Variants in ATXN1 observed in about 807,000 individuals in gnomAD.
ATXN1 encodes ataxin-1.
A neutral mutation model predicts 56.4 loss-of-function variants in ATXN1; 8 were observed. That is an observed-to-expected ratio of 0.14 (90% CI 0.08 to 0.26). The LOEUF is 0.26. ATXN1 is among the 10% of genes least tolerant of loss of function. The pLI, the probability that ATXN1 is intolerant of heterozygous loss-of-function variation, is 1.00. For synonymous variants in ATXN1, 514 were observed against 494.6 expected (o/e 1.04, Z -0.52); for missense variants, 987 against 1,106.5 (o/e 0.89, Z 1.53).
rs1006639118 is a variant in ATXN1 at position 16,300,961 on chromosome 6, C to T, written c.*5368G>A. 1.3e-5 allele frequency: 2 copies of T among 152,548 alleles called. No individual in the cohort carries two copies. The highest frequency in any genetic ancestry group is 4.8e-5 in the African/African-American group (2 of 41,424). The allele number at this position is 152,548 out of a possible 1,614,324, so 9.4% of individuals were successfully genotyped here. On this transcript the variant is annotated 3_prime_UTR_variant, in exon 8 of 8. Transcript: ENST00000436367. ...TATATGTAACAAAAATAACAATAAG[C>T]ATAGGTATAGTTTAAGAGCCTTTTA...
intron 3 of ATXN1, among the ~76,000 whole-genome samples, chr6:16,597,011 C>T (rs1762827170): frequency 6.6e-6 from 1 of 152,198 alleles, no homozygotes; most frequent in African/African-American, 2.4e-5. Flanking sequence ...CACTCACCTG[C>T]AGGGCGCAGG....
At chr6:16,671,739 G>A (rs932106265) in intron 2 of ATXN1, among the ~76,000 whole-genome samples, 3 of 152,040 alleles carry the variant, frequency 2.0e-5, no homozygotes, top group African/African-American at 4.8e-5. Context: ...GTCTTAATTC[G>A]AACAATCAAG....
intron 2 of ATXN1, among the ~76,000 whole-genome samples, chr6:16,664,262 G>A (rs1444992693): frequency 6.6e-6 from 1 of 152,122 alleles, no homozygotes; most frequent in Non-Finnish European, 1.5e-5. Context: ...TAAGCAAAAT[G>A]GCATAATACA....
chr6:16,501,930 G>C (rs1287867106), intron 5 of ATXN1, among the ~76,000 whole-genome samples: 1 of 152,100 alleles, frequency 6.6e-6, no homozygotes, highest in Non-Finnish European at 1.5e-5. Context: ...CTAATTTACA[G>C]TCCCCCAACA....
chr6:16,549,940 T>C (rs1367649889), intron 4 of ATXN1, among the ~76,000 whole-genome samples: 3 of 133,894 alleles, frequency 2.2e-5, no homozygotes, highest in Non-Finnish European at 4.7e-5. Flanking sequence ...CCATTCTCAC[T>C]CATAAGTGGG....
At chr6:16,734,910 TG>T (rs968063846) in intron 2 of ATXN1, among the ~76,000 whole-genome samples, 1 of 152,220 alleles carries the variant, frequency 6.6e-6, no homozygotes, top group African/African-American at 2.4e-5. Context: ...TTTTAAAATA[TG>T]GGTGTAGAGT....
At chr6:16,579,655 T>G (rs1455410577) in intron 4 of ATXN1, among the ~76,000 whole-genome samples, 1 of 152,088 alleles carries the variant, frequency 6.6e-6, no homozygotes, top group Non-Finnish European at 1.5e-5. Context: ...TTTGTTTGGC[T>G]ATGTTTATTT....
chr6:16,590,565 CT>C (rs1429888953), intron 3 of ATXN1, among the ~76,000 whole-genome samples: 1 of 152,124 alleles, frequency 6.6e-6, no homozygotes, highest in African/African-American at 2.4e-5. Flanking sequence ...ACATTTATCA[CT>C]GATAAAAGAT....
At chr6:16,340,076 T>G (rs1343935027) in intron 6 of ATXN1, among the ~76,000 whole-genome samples, 4 of 152,188 alleles carry the variant, frequency 2.6e-5, no homozygotes, top group African/African-American at 2.4e-5. Context: ...CCACCGCGCC[T>G]GACCATGAAG....
chr6:16,727,379 G>A (rs949387558), intron 2 of ATXN1, among the ~76,000 whole-genome samples: 9 of 152,152 alleles, frequency 5.9e-5, no homozygotes, highest in Non-Finnish European at 1.3e-4. Context: ...CACCGTCTCT[G>A]TCAATTATTG....
Position 16,326,707 on chromosome 6 carries a change from G to A in ATXN1, c.1604C>T (p.Pro535Leu). 6.2e-7 allele frequency: 1 copy of A among 1,613,474 alleles called. No homozygotes were observed. Among genetic ancestry groups the A allele is most frequent in the Non-Finnish European group, 8.5e-7 (1 of 1,179,998 alleles). Residue 535 changes from proline (P) to leucine (L), a missense_variant, in exon 7 of 8, where the codon CCT (proline) becomes CTT (leucine). Transcript: ENST00000436367. This position sits in a 1 kb window ranked among gnomAD's most constrained non-coding sequence, Gnocchi z 6.6. ...GGCGGCCTGGGTGACCAGGGCCTCA[G>A]GGTTGAAGTTCTCGCTCTTGGGAAG... ...TALPKSENFN[P>L]EALVTQAAYP...
At chr6:16,353,758 GAATA>G (rs1761621964) in intron 6 of ATXN1, among the ~76,000 whole-genome samples, 1 of 152,292 alleles carries the variant, frequency 6.6e-6, no homozygotes, top group Non-Finnish European at 1.5e-5. Context: ...TCGTCTACGA[GAATA>G]AATAAATAAA....
In ATXN1 at chr6:16,567,480, G is replaced by C. The variant is rs1341170456; in HGVS notation, c.-361+18300C>G. ...AATAAATGTTTCTTTCCACTGCAAG[G>C]GTGCATGTGTGAGGGGGGAACAAAG... On this transcript the variant is annotated intron_variant, in intron 4 of 7. Transcript: ENST00000436367. Among the ~76,000 whole-genome samples the C allele has an allele frequency of 2.6e-5, 4 of 152,108 alleles. No individual in the cohort carries two copies. In the East Asian group the frequency reaches 5.8e-4, roughly 22 times the overall value.
intron 6 of ATXN1, among the ~76,000 whole-genome samples, chr6:16,429,425 GTTT>G (rs3072201): frequency 4.8e-4 from 51 of 105,978 alleles, no homozygotes; most frequent in East Asian, 2.8e-3. Flanking sequence ...TTTTTTGTTC[GTTT>G]TTTTTTTTTT....
chr6:16,334,672 G>T (rs1447757589), intron 6 of ATXN1, among the ~76,000 whole-genome samples: 1 of 152,284 alleles, frequency 6.6e-6, no homozygotes, highest in Admixed American at 6.5e-5. Context: ...AGCCATGATT[G>T]CTCCACTGCA....
intron 6 of ATXN1, among the ~76,000 whole-genome samples, chr6:16,409,121 G>C (rs1758745891): frequency 6.6e-6 from 1 of 152,100 alleles, no homozygotes; most frequent in Admixed American, 6.5e-5. Flanking sequence ...ATCAAATAAT[G>C]TCACAGGATC....
intron 2 of ATXN1, among the ~76,000 whole-genome samples, chr6:16,718,111 T>C (rs1292973599): frequency 6.6e-6 from 1 of 152,192 alleles, no homozygotes; most frequent in African/African-American, 2.4e-5. Context: ...CAATGAACAG[T>C]TTATGTGTTT....
intron 5 of ATXN1, among the ~76,000 whole-genome samples, chr6:16,497,966 C>T (rs569931921): frequency 1.2e-4 from 19 of 152,192 alleles, no homozygotes; most frequent in Middle Eastern, 3.4e-3. Context: ...GAGATGGGGT[C>T]AAAGGGGTAT....
At chr6:16,620,210 C>CA (rs1160221878) in intron 3 of ATXN1, among the ~76,000 whole-genome samples, 3 of 151,726 alleles carry the variant, frequency 2.0e-5, no homozygotes, top group Non-Finnish European at 2.9e-5. Context: ...GCTGTAAACA[C>CA]AAAATGTTAA....
Sources: gnomAD v4.1 joint callset for allele counts (sites outside exome capture counted in the v4.1 genomes callset) on GRCh38, gnomAD v4.1.1 for gene constraint, Gnocchi (gnomAD v3.1) non-coding constraint, MANE v1.5 for transcripts, NCBI Gene and HGNC (gene_info 2026-07-23, HGNC 2026-07-21) for gene names.